The following GRIA2 variants were observed in gnomAD, a reference collection of about 807,000 sequenced individuals.
The protein encoded by GRIA2 is glutamate ionotropic receptor AMPA type subunit 2.
GRIA2 carries 14 observed loss-of-function variants against 97.3 expected under a neutral mutation model. The observed-to-expected ratio is 0.14, with a 90% CI of 0.10 to 0.23. GRIA2 has a LOEUF of 0.23. Ranked by LOEUF, GRIA2 falls within the 10% of genes least tolerant of loss-of-function variation. GRIA2 has a pLI of 1.00. For missense variants in GRIA2, 558 were observed against 1,069.8 expected (o/e 0.52, Z 6.67); for synonymous variants, 412 against 387.8 (o/e 1.06, Z -0.73).
At chr4:157,336,356 T>G (rs1163037897) in intron 10 of GRIA2, 21 bp from the exon 11 acceptor site, 5 of 1,516,302 alleles carry the variant, frequency 3.3e-6, no homozygotes, top group Non-Finnish European at 4.4e-6. Flanking sequence ...GTACTATTAC[T>G]TTCCTTTTTT....
At chr4:157,355,903 AT>A (rs1314468315) in intron 12 of GRIA2, among the ~76,000 whole-genome samples, 2 of 170 alleles carry the variant, frequency 0.012, no homozygotes, top group Non-Finnish European at 0.024. Context: ...TTATATATAA[AT>A]ATATATATAT....
chr4:157,255,057 A>G (rs777338062), intron 2 of GRIA2, among the ~76,000 whole-genome samples: 1 of 151,864 alleles, frequency 6.6e-6, no homozygotes. Context: ...CTAATAGGTA[A>G]TTTCTCATCC....
At chr4:157,316,226 TTA>T (rs1734312906) in intron 4 of GRIA2, among the ~76,000 whole-genome samples, 1 of 152,128 alleles carries the variant, frequency 6.6e-6, no homozygotes, top group South Asian at 2.1e-4. Context: ...TGATGCTAAT[TTA>T]TATGTTTTTC....
intron 2 of GRIA2, among the ~76,000 whole-genome samples, chr4:157,241,287 G>A (rs771666115): frequency 2.0e-5 from 3 of 152,014 alleles, no homozygotes; most frequent in Non-Finnish European, 4.4e-5. Context: ...TGTTTGAGAC[G>A]CCTAATTCTT....
At chr4:157,275,779 G>A (rs1253267360) in intron 2 of GRIA2, among the ~76,000 whole-genome samples, 1 of 151,968 alleles carries the variant, frequency 6.6e-6, no homozygotes, top group Non-Finnish European at 1.5e-5. Context: ...TAGCCTTGTA[G>A]TATAGTTTGA....
chr4:157,337,800 A>C (rs1735354415), intron 11 of GRIA2, among the ~76,000 whole-genome samples: 1 of 151,540 alleles, frequency 6.6e-6, no homozygotes, highest in Non-Finnish European at 1.5e-5. Flanking sequence ...GAAATACATC[A>C]TGTAGCCAGA....
At chr4:157,335,526 A>T in intron 9 of GRIA2, 145 bp from the exon 10 acceptor site, 1 of 616,132 alleles carries the variant, frequency 1.6e-6, no homozygotes. Flanking sequence ...TGCTTAAATT[A>T]TTCCTCTACT....
intron 12 of GRIA2, among the ~76,000 whole-genome samples, chr4:157,349,369 A>G (rs1735903007): frequency 6.6e-6 from 1 of 151,780 alleles, no homozygotes; most frequent in African/African-American, 2.4e-5. Context: ...TTTGAAATCA[A>G]ATTCAGTGCT....
chr4:157,292,119 C>T (rs1214919163), intron 2 of GRIA2, among the ~76,000 whole-genome samples: 1 of 151,640 alleles, frequency 6.6e-6, no homozygotes, highest in Admixed American at 6.6e-5. Flanking sequence ...TCATCCTAAG[C>T]AAAATGCTAA....
intron 2 of GRIA2, among the ~76,000 whole-genome samples, chr4:157,277,485 CT>C (rs1459204719): frequency 6.6e-6 from 1 of 151,776 alleles, no homozygotes; most frequent in Non-Finnish European, 1.5e-5. Flanking sequence ...CAAGGATGTT[CT>C]CTTTCACCAC....
At chr4:157,341,144 C>A in intron 11 of GRIA2, 120 bp from the exon 12 acceptor site, 1 of 700,068 alleles carries the variant, frequency 1.4e-6, no homozygotes, top group Non-Finnish European at 2.5e-6. Context: ...CTAGTAGATA[C>A]ATTGAAAAAT....
At chr4:157,285,360 TTTA>T (rs1732790153) in intron 2 of GRIA2, among the ~76,000 whole-genome samples, 1 of 151,552 alleles carries the variant, frequency 6.6e-6, no homozygotes, top group Admixed American at 6.6e-5. Context: ...GTGATTTGCC[TTTA>T]TATTTTCTTT....
At chr4:157,231,333 C>A (rs1178871913) in intron 2 of GRIA2, among the ~76,000 whole-genome samples, 1 of 152,144 alleles carries the variant, frequency 6.6e-6, no homozygotes, top group African/African-American at 2.4e-5. Flanking sequence ...GCCACCATGC[C>A]TGGTCGCAAT....
At chr4:157,288,884 G>C (rs551378858) in intron 2 of GRIA2, among the ~76,000 whole-genome samples, 1 of 151,664 alleles carries the variant, frequency 6.6e-6, no homozygotes, top group African/African-American at 2.4e-5. Flanking sequence ...ATATATTTGG[G>C]GTATGTTATA....
intron 12 of GRIA2, among the ~76,000 whole-genome samples, chr4:157,346,578 G>A (rs1256703411): frequency 1.3e-5 from 2 of 151,944 alleles, no homozygotes; most frequent in Non-Finnish European, 2.9e-5. Flanking sequence ...TATGCAGAAC[G>A]TTACTCATAT....
intron 2 of GRIA2, among the ~76,000 whole-genome samples, chr4:157,289,974 C>T (rs1001867814): frequency 4.0e-5 from 6 of 151,782 alleles, no homozygotes; most frequent in Admixed American, 6.6e-5. Flanking sequence ...CCTACTGTCA[C>T]TATCTGTGTT....
At chr4:157,278,576 A>G (rs1204005482) in intron 2 of GRIA2, among the ~76,000 whole-genome samples, 1 of 152,020 alleles carries the variant, frequency 6.6e-6, no homozygotes, top group East Asian at 1.9e-4. Context: ...TACTTTTAGG[A>G]TAGAACACCA....
Position 157,256,246 on chromosome 4 carries a change from AAT to A in GRIA2, c.229+34445_229+34446del, listed in dbSNP as rs1437758219. Among the ~76,000 whole-genome samples the A allele has an allele frequency of 3.6e-5, 3 of 82,248 alleles. No individual in the cohort carries two copies. In the South Asian group the frequency reaches 8.5e-4, roughly 23 times the overall value. 54.0% of individuals were successfully genotyped at this position (82,248 alleles called of 152,430 possible). ...TATATAATATATAATATATATATAT[AAT>A]ATATAAATTATATATTACATATATA... On this transcript the variant is annotated intron_variant, in intron 2 of 15. Transcript: ENST00000264426.
chr4:157,355,916 A>AATATATGTTT (rs1560781079), intron 12 of GRIA2, among the ~76,000 whole-genome samples: 2 of 26,072 alleles, frequency 7.7e-5, no homozygotes, highest in African/African-American at 1.3e-4. Context: ...TATATATATT[A>AATATATGTTT]ATATATTTAT....
Sources: gnomAD v4.1 joint callset for allele counts (sites outside exome capture counted in the v4.1 genomes callset) on GRCh38, gnomAD v4.1.1 for gene constraint, MANE v1.5 for transcripts, NCBI Gene and HGNC (gene_info 2026-07-23, HGNC 2026-07-21) for gene names.